The following SAMD12 variants were observed in gnomAD, a reference collection of about 807,000 sequenced individuals.
SAMD12 encodes the protein sterile alpha motif domain containing 12, also known as sterile alpha motif domain-containing protein 12.
Under a neutral mutation model 15.0 loss-of-function variants are expected in SAMD12, and 9 were observed. That is an observed-to-expected ratio of 0.60 (90% CI 0.36 to 1.05). SAMD12 has a LOEUF of 1.05. SAMD12 is among the 50% of genes least tolerant of loss of function. The pLI, the probability that SAMD12 is intolerant of heterozygous loss-of-function variation, is 0.01. For missense variants in SAMD12, 230 were observed against 234.2 expected (o/e 0.98, Z 0.12); for synonymous variants, 86 against 90.1 (o/e 0.96, Z 0.25).
chr8:118,405,591 A>G lies in SAMD12; in HGVS notation c.323-25891T>C, dbSNP rs1378103266. On this transcript the variant is annotated intron_variant, in intron 3 of 3. Coordinates refer to ENST00000314727, the MANE Select transcript of SAMD12 (RefSeq NM_207506.3). ...ATGTCTAGATCTGAGTAAGGTTTAC[A>G]TAAGTGTATGCACATCTGTAAAAAT... Among the ~76,000 whole-genome samples the G allele has an allele frequency of 2.0e-5, 3 of 151,926 alleles. No homozygotes were observed. In the East Asian group the frequency reaches 5.8e-4, roughly 29 times the overall value.
chr8:118,214,171 G>A (rs1811902670), intron 4 of SAMD12, among the ~76,000 whole-genome samples: 1 of 152,212 alleles, frequency 6.6e-6, no homozygotes, highest in Non-Finnish European at 1.5e-5. Flanking sequence ...AGGTTATTCA[G>A]AATGGCATCC....
intron 2 of SAMD12, among the ~76,000 whole-genome samples, chr8:118,521,849 A>C (rs975073928): frequency 6.6e-6 from 1 of 152,206 alleles, no homozygotes; most frequent in Non-Finnish European, 1.5e-5. Flanking sequence ...AGCAAATGCA[A>C]AAGAGAAGCT....
At chr8:118,132,972 GTATATATATATATATATA>G in the SAMD12 span, among the ~76,000 whole-genome samples, 740 of 48,254 alleles carry the variant, frequency 0.015, 36 homozygotes, top group Middle Eastern at 0.027. Flanking sequence ...GTGTGTGTGT[GTATATATATATATATATA>G]TATATATATA....
At chr8:118,209,764 C>G (rs539908519) in intron 4 of SAMD12, among the ~76,000 whole-genome samples, 3 of 152,330 alleles carry the variant, frequency 2.0e-5, no homozygotes, top group Admixed American at 1.3e-4. Context: ...TTATTTATTT[C>G]TTGCTTAGTT....
chr8:118,229,614 G>C (rs1812263615), intron 4 of SAMD12, among the ~76,000 whole-genome samples: 1 of 152,098 alleles, frequency 6.6e-6, no homozygotes, highest in African/African-American at 2.4e-5. Flanking sequence ...TGACTATAAT[G>C]AAAAAGGCTG....
intron 2 of SAMD12, among the ~76,000 whole-genome samples, chr8:118,534,609 T>C (rs1390986947): frequency 6.6e-6 from 1 of 152,260 alleles, no homozygotes; most frequent in Non-Finnish European, 1.5e-5. Context: ...TCTTTTCACA[T>C]AGTCCCATAT....
chr8:118,331,695 T>C (rs570072369), intron 4 of SAMD12, among the ~76,000 whole-genome samples: 8 of 152,286 alleles, frequency 5.3e-5, no homozygotes, highest in Admixed American at 5.2e-4. Context: ...AAAATAACAA[T>C]TTCTAAGAAG....
At chr8:118,514,647 TTAAA>T (rs550284256) in intron 2 of SAMD12, among the ~76,000 whole-genome samples, 172 of 152,338 alleles carry the variant, frequency 1.1e-3, no homozygotes, top group African/African-American at 4.0e-3. Context: ...CATAAAATAA[TTAAA>T]TAGAGACAAT....
chr8:118,261,671 C>T (rs569784647), intron 4 of SAMD12, among the ~76,000 whole-genome samples: 1 of 150,534 alleles, frequency 6.6e-6, no homozygotes, highest in South Asian at 2.1e-4. Context: ...CTCTCAGTGA[C>T]TGGCAGAGTT....
the SAMD12 span, among the ~76,000 whole-genome samples, chr8:118,158,744 C>T: frequency 6.6e-6 from 1 of 152,170 alleles, no homozygotes; most frequent in African/African-American, 2.4e-5. Context: ...ACTTCCTCCC[C>T]TCCGGAGCCC....
chr8:118,455,268 C>CCT (rs57371997), intron 2 of SAMD12, among the ~76,000 whole-genome samples: 2,457 of 148,716 alleles, frequency 0.017, 37 homozygotes, highest in African/African-American at 0.046. Flanking sequence ...GGCTTTCACA[C>CCT]CTCTCTCTCT....
chr8:118,431,645 T>C (rs1436783139), intron 3 of SAMD12, among the ~76,000 whole-genome samples: 1 of 152,026 alleles, frequency 6.6e-6, no homozygotes, highest in Non-Finnish European at 1.5e-5. Flanking sequence ...ATGTTTGTTG[T>C]TTGTTTTTAA....
intron 4 of SAMD12, among the ~76,000 whole-genome samples, chr8:118,207,075 C>G (rs979058946): frequency 1.3e-5 from 2 of 152,182 alleles, no homozygotes; most frequent in African/African-American, 2.4e-5. Context: ...ATATTGTTCT[C>G]TAATGAGAAT....
In SAMD12 at chr8:118,498,915, T is replaced by C. The variant is rs535884031; in HGVS notation, c.193-58954A>G. On this transcript the variant is annotated intron_variant, in intron 2 of 3. Coordinates refer to ENST00000314727, the MANE Select transcript of SAMD12 (RefSeq NM_207506.3). ...CTTGTGCTATGAAGTATTTTCCATA[T>C]ATGCTTTATCTCCCCACCAAGTTCA... 4.8e-4 allele frequency among the ~76,000 whole-genome samples: 73 copies of C among 152,334 alleles called. 1 individual carries two copies. The highest frequency in any genetic ancestry group is 3.1e-3 in the South Asian group (15 of 4,828).
chr8:118,141,545 T>C, the SAMD12 span, among the ~76,000 whole-genome samples: 93 of 152,336 alleles, frequency 6.1e-4, no homozygotes, highest in Non-Finnish European at 1.1e-3. Context: ...CCAAGCTTCC[T>C]GCTAACAGTC....
intron 2 of SAMD12, among the ~76,000 whole-genome samples, chr8:118,465,031 C>A (rs1823551099): frequency 6.6e-6 from 1 of 152,184 alleles, no homozygotes; most frequent in Non-Finnish European, 1.5e-5. Context: ...GTTCTCCATG[C>A]CTGCAGGGTA....
intron 4 of SAMD12, chr8:118,295,718 T>G (rs1436250835): frequency 1.3e-5 from 2 of 150,742 alleles, no homozygotes; most frequent in African/African-American, 4.9e-5. Context: ...GGTGCAATCG[T>G]GGCTTACTGC....
intron 1 of SAMD12, among the ~76,000 whole-genome samples, chr8:118,616,850 G>C (rs963175366): frequency 1.3e-5 from 2 of 152,184 alleles, no homozygotes; most frequent in Non-Finnish European, 2.9e-5. Context: ...GATCAACAGA[G>C]GCATTAGATT....
chr8:118,399,602 C>T (rs915099516), intron 3 of SAMD12, among the ~76,000 whole-genome samples: 1 of 152,140 alleles, frequency 6.6e-6, no homozygotes, highest in African/African-American at 2.4e-5. Flanking sequence ...CTTCAGAGCT[C>T]CCTGTGGGGT....
Sources: gnomAD v4.1 joint callset for allele counts (sites outside exome capture counted in the v4.1 genomes callset) on GRCh38, gnomAD v4.1.1 for gene constraint, MANE v1.5 for transcripts, NCBI Gene and HGNC (gene_info 2026-07-23, HGNC 2026-07-21) for gene names.